The following P4HA1 variants were observed in gnomAD, a reference collection of about 807,000 sequenced individuals.
P4HA1 encodes prolyl 4-hydroxylase subunit alpha-1.
In P4HA1, 24 loss-of-function variants were observed where a neutral mutation model predicts 72.8. That is an observed-to-expected ratio of 0.33 (90% CI 0.24 to 0.46). The LOEUF (loss-of-function observed/expected upper bound fraction) is 0.46. P4HA1 is among the 20% of genes least tolerant of loss of function. The pLI is 1.00. For synonymous variants in P4HA1, 201 were observed against 218.8 expected, an observed-to-expected ratio of 0.92 and a Z score of 0.72; for missense variants, 446 against 640.6, an observed-to-expected ratio of 0.70 and a Z score of 3.28.
chr10:73,045,631 G>A (rs1472875110), intron 8 of P4HA1, among the ~76,000 whole-genome samples: 3 of 152,092 alleles, frequency 2.0e-5, no homozygotes, highest in African/African-American at 7.2e-5. Context: ...GTTAAAAACA[G>A]CAAGAAAGAG....
At chr10:73,037,564 TATA>T (rs1388098636) in intron 9 of P4HA1, among the ~76,000 whole-genome samples, 23 of 32,366 alleles carry the variant, frequency 7.1e-4, no homozygotes, top group African/African-American at 1.8e-3. Flanking sequence ...TATATATATA[TATA>T]TATATTTTTT....
In P4HA1 at chr10:73,037,172, CT is replaced by C. The variant is rs1003536033; in HGVS notation, c.1149-6803del. ...TTCTTCAGATAACTTTATATGTGTC[CT>C]TTTTTTTCCATTAAAAATTAAATAG... On this transcript the variant is annotated intron_variant, in intron 9 of 14. Coordinates refer to ENST00000394890, the MANE Select transcript of P4HA1 (RefSeq NM_001017962.3). Among the ~76,000 whole-genome samples the C allele has an allele frequency of 1.7e-4, 26 of 151,552 alleles. No homozygotes were observed. The East Asian group carries it at 4.1e-3, about 24-fold the overall frequency.
intron 1 of P4HA1, among the ~76,000 whole-genome samples, chr10:73,082,069 G>A (rs764109841): frequency 2.0e-5 from 3 of 152,050 alleles, no homozygotes; most frequent in Admixed American, 6.5e-5. Flanking sequence ...GTTCACTTTC[G>A]GTACAATATT....
intron 8 of P4HA1, 130 bp from the exon 9 acceptor site, chr10:73,045,181 T>A: frequency 1.5e-6 from 1 of 666,858 alleles, no homozygotes; most frequent in Non-Finnish European, 2.5e-6. Flanking sequence ...ACACTTCCAG[T>A]CACCTTGTGC....
At chr10:73,031,710 G>C (rs1022128449) in intron 9 of P4HA1, among the ~76,000 whole-genome samples, 4 of 152,218 alleles carry the variant, frequency 2.6e-5, no homozygotes, top group African/African-American at 9.6e-5. Flanking sequence ...AAATGTTCTG[G>C]AACTAGACAT....
intron 9 of P4HA1, among the ~76,000 whole-genome samples, chr10:73,042,062 T>A (rs1840748127): frequency 6.6e-6 from 1 of 152,138 alleles, no homozygotes; most frequent in Admixed American, 6.6e-5. Flanking sequence ...TTGCTCAGGC[T>A]GCGGTCTTCA....
At chr10:73,089,002 T>A (rs1336241788) in intron 1 of P4HA1, among the ~76,000 whole-genome samples, 2 of 152,346 alleles carry the variant, frequency 1.3e-5, no homozygotes, top group East Asian at 3.9e-4. Context: ...AATTTTAGAA[T>A]CGGCTCATTA....
intron 1 of P4HA1, among the ~76,000 whole-genome samples, chr10:73,080,635 GT>G (rs1354943664): frequency 6.6e-6 from 1 of 151,998 alleles, no homozygotes; most frequent in Non-Finnish European, 1.5e-5. Flanking sequence ...TTTAACAATG[GT>G]TTCTAGCCGG....
chr10:73,036,187 C>CA (rs35435004), intron 9 of P4HA1, among the ~76,000 whole-genome samples: 20,353 of 83,942 alleles, frequency 0.24, 2,185 homozygotes, highest in African/African-American at 0.39. Flanking sequence ...AACTCCGTCT[C>CA]AAAAAAAAAA....
chr10:73,017,107 C>A (rs1840021947), intron 10 of P4HA1, among the ~76,000 whole-genome samples: 1 of 149,348 alleles, frequency 6.7e-6, no homozygotes, highest in South Asian at 2.1e-4. Flanking sequence ...AGATCTATAT[C>A]TACAGATGTA....
At chr10:73,050,742 GTAGCC>G (rs1487607590) in intron 7 of P4HA1, among the ~76,000 whole-genome samples, 2 of 151,128 alleles carry the variant, frequency 1.3e-5, no homozygotes, top group Non-Finnish European at 2.9e-5. Flanking sequence ...GTCTTATTCT[GTAGCC>G]CAGGCTGGAG....
chr10:73,056,624 C>G (rs1378239776), intron 5 of P4HA1, among the ~76,000 whole-genome samples: 2 of 151,176 alleles, frequency 1.3e-5, no homozygotes, highest in Non-Finnish European at 3.0e-5. Flanking sequence ...AACAATGAAA[C>G]TCCATCAAAA....
chr10:73,093,873 A>ATAT (rs1251692798), intron 1 of P4HA1, among the ~76,000 whole-genome samples: 1 of 29,324 alleles, frequency 3.4e-5, no homozygotes, highest in Non-Finnish European at 7.9e-5. Context: ...AAAAAAAAAA[A>ATAT]ATATATATAT....
intron 1 of P4HA1, among the ~76,000 whole-genome samples, chr10:73,085,472 C>T (rs1329864060): frequency 2.0e-5 from 3 of 152,110 alleles, no homozygotes; most frequent in Non-Finnish European, 4.4e-5. Context: ...CAACCTCCAC[C>T]TCCTGGGTTC....
intron 6 of P4HA1, among the ~76,000 whole-genome samples, chr10:73,052,933 C>T (rs1841052745): frequency 6.6e-6 from 1 of 152,168 alleles, no homozygotes; most frequent in Non-Finnish European, 1.5e-5. Context: ...TAAAATTCTC[C>T]TAAGGTGTAT....
intron 5 of P4HA1, among the ~76,000 whole-genome samples, chr10:73,066,269 GAA>G (rs1841419971): frequency 6.6e-6 from 1 of 151,966 alleles, no homozygotes; most frequent in Non-Finnish European, 1.5e-5. Flanking sequence ...TTGCCTGAAA[GAA>G]AAGTCAATAA....
intron 1 of P4HA1, among the ~76,000 whole-genome samples, chr10:73,075,413 T>G (rs75940376): frequency 0.16 from 24,085 of 152,102 alleles, 3,145 homozygotes; most frequent in African/African-American, 0.34. Context: ...CCATATTAGA[T>G]AAAAATGTAT....
At position 73,024,284 on chromosome 10, in the gene P4HA1, CA is replaced by C. The variant is rs546037166; in HGVS notation, c.1248+5986del. Among the ~76,000 whole-genome samples, 1,461 of 152,312 alleles carry C rather than the reference CA, an allele frequency of 9.6e-3. 19 individuals are homozygous for C. Among genetic ancestry groups the C allele is most frequent in the African/African-American group, 0.033 (1,369 of 41,548 alleles). ...AAATGTAAAAGAACAGAAATCACAA[CA>C]AACTGTCTCTCAGACCACAGTGCAA... On this transcript the variant is annotated intron_variant, in intron 10 of 14. Coordinates refer to ENST00000394890, the MANE Select transcript of P4HA1 (RefSeq NM_001017962.3).
intron 5 of P4HA1, among the ~76,000 whole-genome samples, chr10:73,067,248 T>C (rs965988664): frequency 1.3e-5 from 2 of 152,182 alleles, no homozygotes; most frequent in South Asian, 2.1e-4. Context: ...ACTATTCTAC[T>C]CTAATAAGTA....
Sources: gnomAD v4.1 joint callset for allele counts (sites outside exome capture counted in the v4.1 genomes callset) on GRCh38, gnomAD v4.1.1 for gene constraint, MANE v1.5 for transcripts, NCBI Gene and HGNC (gene_info 2026-07-23, HGNC 2026-07-21) for gene names.